Variants in ADGRL3 observed in about 807,000 individuals in gnomAD.
The protein encoded by ADGRL3 is adhesion G protein-coupled receptor L3.
A neutral mutation model predicts 153.5 loss-of-function variants in ADGRL3; 62 were observed. The ratio of observed to expected loss-of-function variants is 0.40; its 90% CI spans 0.33 to 0.50. The LOEUF (loss-of-function observed/expected upper bound fraction) is 0.50. ADGRL3 is among the 20% of genes least tolerant of loss of function. ADGRL3 has a pLI of 0.47. For synonymous variants in ADGRL3, 710 were observed against 672.5 expected (o/e 1.06, Z -0.86); for missense variants, 1,641 against 1,859.4 (o/e 0.88, Z 2.16).
At chr4:62,026,570 C>T (rs1196095818) in intron 21 of ADGRL3, among the ~76,000 whole-genome samples, 1 of 151,980 alleles carries the variant, frequency 6.6e-6, no homozygotes, top group Non-Finnish European at 1.5e-5. Context: ...AAAAATATGT[C>T]ACCTCACCAT....
At chr4:62,063,438 T>G (rs1056616086) in intron 25 of ADGRL3, 12 of 612,016 alleles carry the variant, frequency 2.0e-5, no homozygotes, top group African/African-American at 9.3e-5. Flanking sequence ...TCCTTTCTTT[T>G]TTTCAAACAC....
intron 8 of ADGRL3, among the ~76,000 whole-genome samples, chr4:61,739,307 C>T (rs2096555212): frequency 6.8e-6 from 1 of 146,484 alleles, no homozygotes; most frequent in Non-Finnish European, 1.5e-5. Context: ...CTACAAATTA[C>T]TTTTTTTTTT....
chr4:61,787,753 CATTTT>C (rs1384641300), intron 8 of ADGRL3, among the ~76,000 whole-genome samples: 12 of 151,864 alleles, frequency 7.9e-5, no homozygotes, highest in Admixed American at 7.9e-4. Context: ...AAAATTCACT[CATTTT>C]AATACAGCAT....
chr4:61,611,286 A>C (rs1216137056), intron 5 of ADGRL3, among the ~76,000 whole-genome samples: 1 of 152,080 alleles, frequency 6.6e-6, no homozygotes, highest in African/African-American at 2.4e-5. Flanking sequence ...AAAGATCACC[A>C]TTGCTTCCAG....
chr4:61,923,224 C>T (rs904340649), intron 13 of ADGRL3, among the ~76,000 whole-genome samples: 2 of 152,150 alleles, frequency 1.3e-5, no homozygotes, highest in African/African-American at 2.4e-5. Flanking sequence ...TTTTGCAAAA[C>T]GACTTTGGCT....
At chr4:62,003,112 G>A (rs115602926) in intron 21 of ADGRL3, among the ~76,000 whole-genome samples, 48 of 152,180 alleles carry the variant, frequency 3.2e-4, no homozygotes, top group African/African-American at 8.9e-4. Context: ...ATTTTAAGAC[G>A]TAGAAAAGAA....
At chr4:61,652,319 A>G (rs2094289651) in intron 5 of ADGRL3, among the ~76,000 whole-genome samples, 1 of 152,176 alleles carries the variant, frequency 6.6e-6, no homozygotes, top group Non-Finnish European at 1.5e-5. Context: ...ACTTTTACTT[A>G]TATTTTTTAC....
intron 19 of ADGRL3, among the ~76,000 whole-genome samples, chr4:61,988,933 T>A (rs1320144374): frequency 6.6e-6 from 1 of 151,910 alleles, no homozygotes; most frequent in African/African-American, 2.4e-5. Flanking sequence ...TAAAAATAAT[T>A]GAAATCAAAT....
At chr4:61,770,266 C>G (rs1236709373) in intron 8 of ADGRL3, among the ~76,000 whole-genome samples, 1 of 152,130 alleles carries the variant, frequency 6.6e-6, no homozygotes, top group Non-Finnish European at 1.5e-5. Flanking sequence ...AAGTAATTTT[C>G]TGGAAGTTGT....
In ADGRL3 at chr4:62,070,543, C is replaced by A; in HGVS notation, c.4267C>A (p.Arg1423=). The change falls in exon 27 of 27, where the codon CGG becomes AGG. Residue 1423 remains arginine (R), a synonymous_variant. Transcript: ENST00000683033. ...CCAGCCACACCATTATACCAGAAGG[C>A]GGATCCCCCAAGACCACAGTGAGAG... The part of the protein sequence containing the change: ...NHQPHHYTRR[R]IPQDHSESFF... 1 of 1,550,802 alleles carries A rather than the reference C, an allele frequency of 6.4e-7. No homozygotes were observed. Among genetic ancestry groups the A allele is most frequent in the Non-Finnish European group, 8.7e-7 (1 of 1,146,840 alleles).
At chr4:61,587,081 A>T (rs969719127) in intron 4 of ADGRL3, 146 bp from the exon 5 acceptor site, 1 of 477,558 alleles carries the variant, frequency 2.1e-6, no homozygotes, top group Non-Finnish European at 3.7e-6. Context: ...GAAGAGAAAA[A>T]TATTCTAGTT....
intron 2 of ADGRL3, among the ~76,000 whole-genome samples, chr4:61,472,271 T>A (rs1173579231): frequency 6.6e-6 from 1 of 152,148 alleles, no homozygotes; most frequent in East Asian, 1.9e-4. Context: ...CTTGAAAAGT[T>A]CAAAGACTAG....
intron 5 of ADGRL3, among the ~76,000 whole-genome samples, chr4:61,651,995 C>A (rs543402048): frequency 6.6e-6 from 1 of 151,888 alleles, no homozygotes; most frequent in Admixed American, 6.6e-5. Context: ...ATGTATTAAG[C>A]CAAAAATGAA....
At chr4:61,613,507 G>A (rs1486563067) in intron 5 of ADGRL3, among the ~76,000 whole-genome samples, 1 of 152,180 alleles carries the variant, frequency 6.6e-6, no homozygotes, top group East Asian at 1.9e-4. Context: ...ACTTTGGGAG[G>A]CTGGGGCAGG....
chr4:61,792,159 C>T (rs957636416), intron 8 of ADGRL3, among the ~76,000 whole-genome samples: 1 of 152,204 alleles, frequency 6.6e-6, no homozygotes, highest in African/African-American at 2.4e-5. Context: ...TGCTCTGCTT[C>T]CCTTATAAAA....
At chr4:61,394,559 C>G (rs1480281067) in intron 2 of ADGRL3, among the ~76,000 whole-genome samples, 3 of 151,882 alleles carry the variant, frequency 2.0e-5, no homozygotes, top group Non-Finnish European at 4.4e-5. Context: ...TAAAACATTA[C>G]AAATTTACAC....
Position 61,526,654 on chromosome 4 carries a change from C to T in ADGRL3, c.259+9136C>T, listed in dbSNP as rs982601686. Among the ~76,000 whole-genome samples, 13 of 152,062 alleles carry T rather than the reference C, an allele frequency of 8.5e-5. No individual in the cohort carries two copies. The East Asian group carries it at 2.3e-3, about 27-fold the overall frequency. On this transcript the variant is annotated intron_variant, in intron 4 of 26. Transcript: ENST00000683033. ...AGCTGGGTATGGTGGTGCATCCCTG[C>T]AGTCCCAGGTAATCAAGAGTCTGCA...
rs140198273 is a variant in ADGRL3 at position 61,384,484 on chromosome 4, T to G, written c.-174+1295T>G. Among the ~76,000 whole-genome samples the G allele has an allele frequency of 4.7e-3, 705 of 151,278 alleles. 6 individuals are homozygous for G. The highest frequency in any genetic ancestry group is 0.016 in the African/African-American group (674 of 41,402). On this transcript the variant is annotated intron_variant, in intron 2 of 26. Transcript: ENST00000683033. Reference sequence around the variant, plus strand: ...TGTAATAGATATATGTATAAATAATTTACATACATTTTCTATTTATATGTA... The same window carrying G: ...TGTAATAGATATATGTATAAATAATGTACATACATTTTCTATTTATATGTA...
chr4:62,049,069 A>C (rs552072527), intron 25 of ADGRL3, among the ~76,000 whole-genome samples: 1 of 151,998 alleles, frequency 6.6e-6, no homozygotes, highest in Admixed American at 6.6e-5. Flanking sequence ...TATTTTATCT[A>C]TTGGCTTTAT....
Sources: gnomAD v4.1 joint callset for allele counts (sites outside exome capture counted in the v4.1 genomes callset) on GRCh38, gnomAD v4.1.1 for gene constraint, MANE v1.5 for transcripts, NCBI Gene and HGNC (gene_info 2026-07-23, HGNC 2026-07-21) for gene names.